GPR63: variants seen among roughly 807,000 people sequenced by gnomAD.
GPR63 encodes probable G protein-coupled receptor 63.
GPR63 carries 12 observed loss-of-function variants against 23.1 expected under a neutral mutation model. The observed-to-expected ratio is 0.52, with a 90% confidence interval of 0.33 to 0.84. The LOEUF (loss-of-function observed/expected upper bound fraction) is 0.84. Among genes scored for constraint, GPR63 ranks in the 40% least tolerant of loss-of-function variants. The pLI, the probability that GPR63 is intolerant of heterozygous loss-of-function variation, is 0.02. For missense variants in GPR63, 472 were observed against 515.6 expected (o/e 0.92, Z 0.82); for synonymous variants, 172 against 191.1 (o/e 0.90, Z 0.82).
chr6:96,837,378 G>T lies in GPR63; in HGVS notation c.-261C>A. 6.5e-6 allele frequency: 1 copy of T among 153,110 alleles called. No individual in the cohort carries two copies. Among genetic ancestry groups the T allele is most frequent in the South Asian group, 1.9e-4 (1 of 5,252 alleles). 9.5% of individuals were successfully genotyped at this position (153,110 alleles called of 1,614,324 possible). Reference sequence around the variant, plus strand: ...TAGCACTTCTCTCCTCCGCTGCAGAGAACAACGCTGCCAGGCGGAGGAGGA... The same window carrying T: ...TAGCACTTCTCTCCTCCGCTGCAGATAACAACGCTGCCAGGCGGAGGAGGA... On this transcript the variant is annotated 5_prime_UTR_variant, in exon 1 of 2. Transcript: ENST00000229955.
chr6:96,817,075 A>G (rs556437217), intron 1 of GPR63, among the ~76,000 whole-genome samples: 1 of 152,360 alleles, frequency 6.6e-6, no homozygotes, highest in East Asian at 1.9e-4. Context: ...AAGGCAGAAG[A>G]CATTTGCAAT....
intron 1 of GPR63, among the ~76,000 whole-genome samples, chr6:96,813,016 C>T (rs1774080909): frequency 6.6e-6 from 1 of 152,074 alleles, no homozygotes; most frequent in Admixed American, 6.6e-5. Flanking sequence ...CTGTTATCTT[C>T]CTAGCTCCTG....
chr6:96,818,378 G>A (rs1034592485), intron 1 of GPR63, among the ~76,000 whole-genome samples: 1 of 152,030 alleles, frequency 6.6e-6, no homozygotes, highest in African/African-American at 2.4e-5. Context: ...CAAGAGAATC[G>A]CCTGAACCCA....
At chr6:96,833,638 C>T (rs1301497156) in intron 1 of GPR63, among the ~76,000 whole-genome samples, 1 of 152,054 alleles carries the variant, frequency 6.6e-6, no homozygotes, top group Non-Finnish European at 1.5e-5. Context: ...ATAGACTGAG[C>T]TAAGTCAATT....
At chr6:96,813,729 T>A (rs1774097351) in intron 1 of GPR63, among the ~76,000 whole-genome samples, 1 of 152,184 alleles carries the variant, frequency 6.6e-6, no homozygotes. Context: ...AATGGGTTGT[T>A]GAAGTCCCCT....
Position 96,798,447 on chromosome 6 carries a change from C to T in GPR63, c.*25G>A, listed in dbSNP as rs1352104637. On this transcript the variant is annotated 3_prime_UTR_variant, in exon 2 of 2. Transcript: ENST00000229955. The stretch of plus-strand genomic sequence containing the variant: ...AATGTCAATAAAGAACAAGCATCAC[C>T]CAAAATGTCAGCCAGTTCCAATATT... The T allele has an allele frequency of 6.2e-7, 1 of 1,602,604 alleles. No individual in the cohort carries two copies. The highest frequency in any genetic ancestry group is 8.5e-7 in the Non-Finnish European group (1 of 1,173,340).
intron 1 of GPR63, among the ~76,000 whole-genome samples, chr6:96,813,871 T>C (rs997397586): frequency 6.6e-6 from 1 of 152,140 alleles, no homozygotes; most frequent in Non-Finnish European, 1.5e-5. Flanking sequence ...TTTATTAACA[T>C]AAGGGTGAGC....
At chr6:96,805,842 ATATCTC>A (rs2127946616) in intron 1 of GPR63, among the ~76,000 whole-genome samples, 1 of 152,346 alleles carries the variant, frequency 6.6e-6, no homozygotes, top group East Asian at 1.9e-4. Flanking sequence ...CATTTCTGCC[ATATCTC>A]TATTCAAGTT....
At position 96,796,505 on chromosome 6, in the gene GPR63, C is replaced by A. The variant is rs892635457; in HGVS notation, c.*1967G>T. ...CCTGTGGGCTGTTTTATAAAGTGAGCCACTGGTAACAGAGAAGCTGACCAA... is the reference window on the plus strand; with the variant it reads ...CCTGTGGGCTGTTTTATAAAGTGAGACACTGGTAACAGAGAAGCTGACCAA... On this transcript the variant is annotated 3_prime_UTR_variant, in exon 2 of 2. Transcript: ENST00000229955. The A allele has an allele frequency of 6.6e-6, 1 of 152,296 alleles. No homozygotes were observed. Among genetic ancestry groups the A allele is most frequent in the African/African-American group, 2.4e-5 (1 of 41,552 alleles). The allele number at this position is 152,296 out of a possible 1,614,324, so 9.4% of individuals were successfully genotyped here.
At chr6:96,811,492 C>T (rs9481006) in intron 1 of GPR63, among the ~76,000 whole-genome samples, 2 of 152,202 alleles carry the variant, frequency 1.3e-5, no homozygotes, top group East Asian at 3.8e-4. Context: ...GGGCCACAGC[C>T]TGTGCTTGAA....
intron 1 of GPR63, among the ~76,000 whole-genome samples, chr6:96,824,590 T>C (rs1240586843): frequency 9.4e-6 from 1 of 106,048 alleles, no homozygotes; most frequent in Non-Finnish European, 1.9e-5. Context: ...AAATACGCCT[T>C]AGCAAAAAAA....
At chr6:96,827,787 G>T (rs902225002) in intron 1 of GPR63, among the ~76,000 whole-genome samples, 4 of 151,664 alleles carry the variant, frequency 2.6e-5, no homozygotes, top group South Asian at 4.2e-4. Context: ...AAATTAAAAG[G>T]ATTGTCACAA....
chr6:96,814,055 GA>G (rs908718438), intron 1 of GPR63, among the ~76,000 whole-genome samples: 1 of 151,934 alleles, frequency 6.6e-6, no homozygotes, highest in Non-Finnish European at 1.5e-5. Flanking sequence ...CAAAGCAAAA[GA>G]AAAAAATACT....
chr6:96,833,797 G>T (rs1232417196), intron 1 of GPR63, among the ~76,000 whole-genome samples: 1 of 147,494 alleles, frequency 6.8e-6, no homozygotes, highest in Non-Finnish European at 1.5e-5. Flanking sequence ...TATGCCAGGT[G>T]ATTGGTACAG....
Position 96,798,387 on chromosome 6 carries a change from A to T in GPR63, c.*85T>A, listed in dbSNP as rs1582241387. The T allele has an allele frequency of 3.5e-6, 5 of 1,428,788 alleles. No individual in the cohort carries two copies. The East Asian group carries it at 6.9e-5, about 20-fold the overall frequency. The allele number at this position is 1,428,788 out of a possible 1,614,324, so 88.5% of individuals were successfully genotyped here. On this transcript the variant is annotated 3_prime_UTR_variant, in exon 2 of 2. Transcript: ENST00000229955. ...CATACATACACAAACCCTATAAAAA[A>T]AAATAAAGTGGAGAGGCTATGAGAA...
intron 1 of GPR63, among the ~76,000 whole-genome samples, chr6:96,807,303 G>A (rs1773920282): frequency 6.6e-6 from 1 of 152,064 alleles, no homozygotes; most frequent in South Asian, 2.1e-4. Context: ...CAGCAACATG[G>A]ACTTCCACTC....
At chr6:96,816,347 G>C (rs970330676) in intron 1 of GPR63, among the ~76,000 whole-genome samples, 2 of 152,130 alleles carry the variant, frequency 1.3e-5, no homozygotes, top group Admixed American at 1.3e-4. Context: ...TAAACTTACA[G>C]CAATTCAGGA....
At chr6:96,831,946 A>G (rs2127961865) in intron 1 of GPR63, among the ~76,000 whole-genome samples, 1 of 152,010 alleles carries the variant, frequency 6.6e-6, no homozygotes, top group South Asian at 2.1e-4. Context: ...ATTTTTTAAA[A>G]ATTGCACTGT....
At chr6:96,800,305 C>A (rs1159319486) in intron 1 of GPR63, among the ~76,000 whole-genome samples, 2 of 151,802 alleles carry the variant, frequency 1.3e-5, no homozygotes, top group Non-Finnish European at 2.9e-5. Flanking sequence ...TTCTTTGGTA[C>A]AAGTTCTTAC....
Sources: allele counts gnomAD v4.1 joint callset (sites outside exome capture counted in the v4.1 genomes callset), GRCh38; gene constraint gnomAD v4.1.1; transcripts MANE v1.5; gene names NCBI Gene and HGNC (gene_info 2026-07-23, HGNC 2026-07-21).